Variants in PTH2R observed in about 807,000 individuals in gnomAD.
The protein encoded by PTH2R is PTH2 receptor.
In PTH2R, 59 loss-of-function variants were observed where a neutral mutation model predicts 60.3. The ratio of observed to expected loss-of-function variants is 0.98; its 90% CI spans 0.79 to 1.22. The LOEUF is 1.22. PTH2R is among the 50% of genes most tolerant of loss of function. PTH2R has a pLI of 0.00. For synonymous variants in PTH2R, 256 were observed against 243.8 expected (o/e 1.05, Z -0.47); for missense variants, 749 against 682.6 (o/e 1.10, Z -1.08).
chr2:208,412,730 A>G (rs1701565320), intron 1 of PTH2R, among the ~76,000 whole-genome samples: 1 of 152,224 alleles, frequency 6.6e-6, no homozygotes, highest in South Asian at 2.1e-4. Context: ...TATAAGGTTT[A>G]GAGTTCCAGC....
At chr2:208,422,055 G>T (rs1295385830) in intron 1 of PTH2R, among the ~76,000 whole-genome samples, 1 of 152,146 alleles carries the variant, frequency 6.6e-6, no homozygotes, top group Non-Finnish European at 1.5e-5. Context: ...GAAAGCTAGT[G>T]GTATAATTCA....
At chr2:208,360,100 A>T (rs1357096082) in exon 1 of PTH2R, 1 of 399,348 alleles carries the variant, frequency 2.5e-6, no homozygotes, top group Non-Finnish European at 5.0e-6. Flanking sequence ...GTTTTTAAAA[A>T]TGATTTTTTT....
chr2:208,444,644 A>G, intron 6 of PTH2R, 90 bp from the exon 7 acceptor site: 3 of 1,299,802 alleles, frequency 2.3e-6, no homozygotes, highest in Non-Finnish European at 3.2e-6. Context: ...CTGAAAAAGA[A>G]ACTGAAGACT....
intron 2 of PTH2R, among the ~76,000 whole-genome samples, chr2:208,434,382 C>G (rs1180022496): frequency 6.6e-6 from 1 of 151,938 alleles, no homozygotes; most frequent in African/African-American, 2.4e-5. Flanking sequence ...TTACTATTCT[C>G]TTTGTCAAAG....
chr2:208,378,041 T>G lies in PTH2R; in HGVS notation c.-259+17804T>G, dbSNP rs1250457804. Among the ~76,000 whole-genome samples the G allele has an allele frequency of 3.3e-5, 5 of 152,080 alleles. No individual in the cohort carries two copies. The East Asian group carries it at 9.8e-4, about 30-fold the overall frequency. ...GCAGGCTGCTGGGAGGTGGAGGTTGTAGCTAGCCGAGATCACGCCACTGCA... is the reference window on the plus strand; with the variant it reads ...GCAGGCTGCTGGGAGGTGGAGGTTGGAGCTAGCCGAGATCACGCCACTGCA... On this transcript the variant is annotated intron_variant, in intron 1 of 12. Transcript: ENST00000617735.
At chr2:208,455,669 G>A (rs1266297774) in intron 8 of PTH2R, among the ~76,000 whole-genome samples, 3 of 152,186 alleles carry the variant, frequency 2.0e-5, no homozygotes, top group Non-Finnish European at 2.9e-5. Flanking sequence ...TAAAGTTTTT[G>A]TGGGTTTTCT....
At chr2:208,399,537 C>T (rs1701270323) in intron 1 of PTH2R, among the ~76,000 whole-genome samples, 2 of 151,952 alleles carry the variant, frequency 1.3e-5, no homozygotes, top group Non-Finnish European at 2.9e-5. Flanking sequence ...GATTAAAAAC[C>T]CTAGACACCA....
At position 208,376,096 on chromosome 2, in the gene PTH2R, A is replaced by T. The variant is rs571038813; in HGVS notation, c.-259+15859A>T. Among the ~76,000 whole-genome samples, 121 of 152,264 alleles carry T rather than the reference A, an allele frequency of 7.9e-4. 2 individuals carry two copies. The highest frequency in any genetic ancestry group is 2.9e-3 in the African/African-American group (120 of 41,492). ...CTAACAATTCTAAAAGGAATTAATA[A>T]ATGCTTCACTGCCATTTCACAGTGT... On this transcript the variant is annotated intron_variant, in intron 1 of 12. Transcript: ENST00000617735.
chr2:208,492,397 C>T (rs1234384591), intron 12 of PTH2R, among the ~76,000 whole-genome samples: 1 of 152,120 alleles, frequency 6.6e-6, no homozygotes, highest in Admixed American at 6.6e-5. Context: ...TTCCACTTCA[C>T]ACAGAAGTGA....
chr2:208,457,694 G>C (rs1702542202), intron 8 of PTH2R, among the ~76,000 whole-genome samples: 1 of 152,184 alleles, frequency 6.6e-6, no homozygotes. Context: ...GAGAGGGATG[G>C]GGGCAGAGGC....
At chr2:208,376,882 A>G (rs939596538) in intron 1 of PTH2R, among the ~76,000 whole-genome samples, 1 of 150,210 alleles carries the variant, frequency 6.7e-6, no homozygotes, top group African/African-American at 2.5e-5. Flanking sequence ...TAATTAATTA[A>G]TTTTTTTTTA....
chr2:208,430,795 G>A (rs1343763612), intron 2 of PTH2R, among the ~76,000 whole-genome samples: 1 of 151,982 alleles, frequency 6.6e-6, no homozygotes, highest in African/African-American at 2.4e-5. Context: ...TCAATCTCCC[G>A]ACCTCGTGAT....
chr2:208,367,942 T>A (rs1361483001), intron 1 of PTH2R, among the ~76,000 whole-genome samples: 1 of 152,198 alleles, frequency 6.6e-6, no homozygotes, highest in Non-Finnish European at 1.5e-5. Context: ...AATTCTTACC[T>A]ACTTAGGCCA....
rs145920909 is a variant in PTH2R at position 208,432,008 on chromosome 2, C to G, written c.178+3705C>G. Among the ~76,000 whole-genome samples the G allele has an allele frequency of 2.2e-3, 338 of 152,276 alleles. 1 individual carries two copies. Among genetic ancestry groups the G allele is most frequent in the Non-Finnish European group, 4.1e-3 (278 of 68,030 alleles). On this transcript the variant is annotated intron_variant, in intron 2 of 12. Transcript: ENST00000272847. Reference sequence around the variant, plus strand: ...TTCTGAATGGCTAGTCTAATAGTGTCTGAAAAGGGAATCACTCGTGCAACT... The same window carrying G: ...TTCTGAATGGCTAGTCTAATAGTGTGTGAAAAGGGAATCACTCGTGCAACT...
intron 1 of PTH2R, chr2:208,360,274 C>T (rs748058812): frequency 2.4e-5 from 10 of 419,768 alleles, no homozygotes; most frequent in East Asian, 7.3e-5. Flanking sequence ...CCGCCTTCTG[C>T]GTGAGCAGCC....
chr2:208,463,682 G>A (rs1702677914), intron 9 of PTH2R, among the ~76,000 whole-genome samples: 1 of 152,150 alleles, frequency 6.6e-6, no homozygotes, highest in Admixed American at 6.5e-5. Flanking sequence ...CACACTCCAG[G>A]TAGATTTCTC....
chr2:208,400,755 C>T (rs1457084152), intron 1 of PTH2R, among the ~76,000 whole-genome samples: 3 of 152,134 alleles, frequency 2.0e-5, no homozygotes, highest in African/African-American at 7.2e-5. Flanking sequence ...AAAATAGTCT[C>T]TTTAATTTCC....
At chr2:208,467,935 C>T (rs1219773291) in intron 9 of PTH2R, among the ~76,000 whole-genome samples, 1 of 152,212 alleles carries the variant, frequency 6.6e-6, no homozygotes, top group Non-Finnish European at 1.5e-5. Flanking sequence ...AGTGAAATCT[C>T]TTCCCCCATT....
intron 9 of PTH2R, among the ~76,000 whole-genome samples, chr2:208,471,945 A>T (rs563971102): frequency 6.6e-6 from 1 of 152,356 alleles, no homozygotes; most frequent in African/African-American, 2.4e-5. Flanking sequence ...ACATGGAGTC[A>T]AAGGATGTCA....
Sources: gnomAD v4.1 joint callset for allele counts (sites outside exome capture counted in the v4.1 genomes callset) on GRCh38, gnomAD v4.1.1 for gene constraint, MANE v1.5 for transcripts, NCBI Gene and HGNC (gene_info 2026-07-23, HGNC 2026-07-21) for gene names.